DUSP22: variants seen among roughly 807,000 people sequenced by gnomAD.
DUSP22 encodes dual specificity protein phosphatase 22.
A neutral mutation model predicts 24.5 loss-of-function variants in DUSP22; 24 were observed. The ratio of observed to expected loss-of-function variants is 0.98; its 90% CI spans 0.71 to 1.38. The LOEUF is 1.38. Among genes scored for constraint, DUSP22 ranks in the 40% most tolerant of loss-of-function variants. DUSP22 has a pLI of 0.00. For synonymous variants in DUSP22, 160 were observed against 106.4 expected, an observed-to-expected ratio of 1.50 and a Z score of -3.10; for missense variants, 330 against 269.2, an observed-to-expected ratio of 1.23 and a Z score of -1.58.
At chr6:305,773 AGGTCC>A (rs1757792274) in intron 2 of DUSP22, among the ~76,000 whole-genome samples, 2 of 152,306 alleles carry the variant, frequency 1.3e-5, no homozygotes, top group South Asian at 4.1e-4. Context: ...GCTTGCAGGC[AGGTCC>A]CCACTCATGT....
chr6:350,116 T>G lies in DUSP22; in HGVS notation c.*1165T>G, dbSNP rs1760121329. 1 of 985,854 alleles carries G rather than the reference T, an allele frequency of 1.0e-6. No homozygotes were observed. Among genetic ancestry groups the G allele is most frequent in the African/African-American group, 1.7e-5 (1 of 57,280 alleles). The allele number at this position is 985,854 out of a possible 1,614,324, so 61.1% of individuals were successfully genotyped here. A position where few individuals can be genotyped will look rare whatever the true frequency, so the allele number is the denominator to read the frequency against. ...ACCTCATTGAATGTTTTTGGAAAGGTGTTTTTTGGTATGCAAGTCAGCTTT... is the reference window on the plus strand; with the variant it reads ...ACCTCATTGAATGTTTTTGGAAAGGGGTTTTTTGGTATGCAAGTCAGCTTT... On this transcript the variant is annotated 3_prime_UTR_variant, in exon 7 of 7. Transcript: ENST00000419235.
intron 4 of DUSP22, among the ~76,000 whole-genome samples, chr6:343,405 C>T (rs1400884851): frequency 2.0e-5 from 3 of 152,208 alleles, no homozygotes; most frequent in Admixed American, 1.3e-4. Context: ...TGCAGGGGTG[C>T]AGCTGGACGG....
chr6:292,936 C>T (rs1757161266), intron 1 of DUSP22, among the ~76,000 whole-genome samples: 1 of 152,238 alleles, frequency 6.6e-6, no homozygotes, highest in Non-Finnish European at 1.5e-5. Context: ...CTTGAAGCCA[C>T]CACCGCCCCC....
At chr6:342,006 G>C (rs1018110731) in intron 4 of DUSP22, among the ~76,000 whole-genome samples, 4 of 152,304 alleles carry the variant, frequency 2.6e-5, no homozygotes, top group Admixed American at 2.0e-4. Context: ...GGTTGGGGAC[G>C]TGCAGATGTC....
intron 4 of DUSP22, among the ~76,000 whole-genome samples, chr6:344,896 C>G (rs1759782634): frequency 6.6e-6 from 1 of 152,304 alleles, no homozygotes; most frequent in Non-Finnish European, 1.5e-5. Flanking sequence ...CCTTCCTCAC[C>G]TGCGTCACGG....
chr6:345,528 C>T (rs1335297009), intron 4 of DUSP22, among the ~76,000 whole-genome samples: 1 of 152,306 alleles, frequency 6.6e-6, no homozygotes, highest in Non-Finnish European at 1.5e-5. Flanking sequence ...GTTTCCATTA[C>T]CTGGTGGATT....
rs2127426433 is a variant in DUSP22 at position 351,044 on chromosome 6, G to A, written c.*2093G>A. On this transcript the variant is annotated 3_prime_UTR_variant, in exon 7 of 7. Transcript: ENST00000419235. ...GAGAACTAAGGATATTCTTTAGCAA[G>A]AGAAAATATTTTCCCCTTATCCCCA... 9.9e-7 allele frequency: 1 copy of A among 1,013,206 alleles called. No homozygotes were observed. Among genetic ancestry groups the A allele is most frequent in the African/African-American group, 1.6e-5 (1 of 61,864 alleles). 62.8% of individuals were successfully genotyped at this position (1,013,206 alleles called of 1,614,324 possible). A position where few individuals can be genotyped will look rare whatever the true frequency, so the allele number is the denominator to read the frequency against.
At chr6:302,790 A>C (rs1264109821) in intron 1 of DUSP22, among the ~76,000 whole-genome samples, 1 of 152,308 alleles carries the variant, frequency 6.6e-6, no homozygotes, top group Non-Finnish European at 1.5e-5. Context: ...GGAAGACTCT[A>C]TTCGAGACCA....
intron 4 of DUSP22, among the ~76,000 whole-genome samples, chr6:338,573 A>G (rs998391369): frequency 4.6e-5 from 7 of 152,308 alleles, no homozygotes; most frequent in African/African-American, 1.7e-4. Flanking sequence ...CAAAAGCAAA[A>G]GAAGTCTTAC....
intron 2 of DUSP22, among the ~76,000 whole-genome samples, chr6:305,546 T>C (rs1757783014): frequency 6.6e-6 from 1 of 152,304 alleles, no homozygotes; most frequent in Non-Finnish European, 1.5e-5. Flanking sequence ...TTCTCACACA[T>C]TTCCTGCCAC....
At chr6:329,600 A>G (rs571780218) in intron 3 of DUSP22, among the ~76,000 whole-genome samples, 80 of 152,380 alleles carry the variant, frequency 5.3e-4, no homozygotes, top group African/African-American at 1.9e-3. Flanking sequence ...TTACAAGTGC[A>G]TGCCACCACG....
rs900942965 is a variant in DUSP22 at position 349,061 on chromosome 6, G to A, written c.*110G>A. 118 of 1,484,034 alleles carry A rather than the reference G, an allele frequency of 8.0e-5. No homozygotes were observed. The highest frequency in any genetic ancestry group is 1.0e-4 in the Non-Finnish European group (113 of 1,117,248). The allele number at this position is 1,484,034 out of a possible 1,614,324, so 91.9% of individuals were successfully genotyped here. A position where few individuals can be genotyped will look rare whatever the true frequency, so the allele number is the denominator to read the frequency against. Reference sequence around the variant, plus strand: ...GACAGGAAAGGGAGATAGCCAGGGCGAGGTGGGGCGAGGGCTCCTTCCCCC... The same window carrying A: ...GACAGGAAAGGGAGATAGCCAGGGCAAGGTGGGGCGAGGGCTCCTTCCCCC... On this transcript the variant is annotated 3_prime_UTR_variant, in exon 7 of 7. Transcript: ENST00000419235.
Position 350,897 on chromosome 6 carries a change from ACCC to A in DUSP22, c.*1947_*1949del. 6 of 1,613,960 alleles carry A rather than the reference ACCC, an allele frequency of 3.7e-6. No individual in the cohort carries two copies. The highest frequency in any genetic ancestry group is 5.1e-6 in the Non-Finnish European group (6 of 1,179,762). On this transcript the variant is annotated 3_prime_UTR_variant, in exon 7 of 7. Coordinates refer to ENST00000419235, the MANE Select transcript of DUSP22 (RefSeq NM_001286555.3). Reference sequence around the variant, plus strand: ...ACCTGAAGTTTCTGAAATATTGCAAACCCACAGAGTTTAGGCTGGTGCTGCCAA... The same window carrying A: ...ACCTGAAGTTTCTGAAATATTGCAAAACAGAGTTTAGGCTGGTGCTGCCAA...
rs1759427527 is a variant in DUSP22, at chr6:337,861, G to C, written c.188+2698G>C. On this transcript the variant is annotated intron_variant, in intron 4 of 6. Coordinates refer to ENST00000419235, the MANE Select transcript of DUSP22 (RefSeq NM_001286555.3). ...GGTTTGCTTTTGTAACTCTTTCTTT[G>C]GCTGGATGACTGGCTCTTGGCCTTT... is the stretch of plus-strand genomic sequence containing the variant. 2.0e-5 allele frequency: 3 copies of C among 152,628 alleles called. No individual in the cohort carries two copies. The South Asian group carries it at 6.2e-4, about 32-fold the overall frequency. The allele number at this position is 152,628 out of a possible 1,614,324, so 9.5% of individuals were successfully genotyped here.
At chr6:325,769 G>A (rs1758836602) in intron 3 of DUSP22, 1 of 253,794 alleles carries the variant, frequency 3.9e-6, no homozygotes, top group Non-Finnish European at 7.5e-6. Flanking sequence ...TCTGCCCTGG[G>A]CTTCTGCGTT....
intron 4 of DUSP22, among the ~76,000 whole-genome samples, chr6:340,815 G>T (rs1315635648): frequency 1.3e-5 from 2 of 152,308 alleles, no homozygotes; most frequent in African/African-American, 4.8e-5. Context: ...TTTTGAGCAG[G>T]ACAGGACCAT....
At chr6:315,331 C>T (rs2127400167) in intron 3 of DUSP22, among the ~76,000 whole-genome samples, 1 of 152,418 alleles carries the variant, frequency 6.6e-6, no homozygotes, top group Non-Finnish European at 1.5e-5. Flanking sequence ...TAAACAGGGT[C>T]TAGAGATCAG....
Position 350,013 on chromosome 6 carries a change from A to T in DUSP22, c.*1062A>T. The T allele has an allele frequency of 1.0e-6, 1 of 985,716 alleles. No individual in the cohort carries two copies. The highest frequency in any genetic ancestry group is 1.2e-6 in the Non-Finnish European group (1 of 830,050). The allele number at this position is 985,716 out of a possible 1,614,324, so 61.1% of individuals were successfully genotyped here. On this transcript the variant is annotated 3_prime_UTR_variant, in exon 7 of 7. Transcript: ENST00000419235. ...AGAAAGAGCATTTATTAGGCACTGT[A>T]GCAATTTGCATTTTAAAATGCCTGA...
At chr6:316,284 T>C (rs1290178230) in intron 3 of DUSP22, among the ~76,000 whole-genome samples, 2 of 152,412 alleles carry the variant, frequency 1.3e-5, no homozygotes, top group South Asian at 2.1e-4. Flanking sequence ...ACTACACTTT[T>C]GGTATCAAAA....
Sources: allele counts gnomAD v4.1 joint callset (sites outside exome capture counted in the v4.1 genomes callset), GRCh38; gene constraint gnomAD v4.1.1; transcripts MANE v1.5; gene names NCBI Gene and HGNC (gene_info 2026-07-23, HGNC 2026-07-21).